BRIP1: variants seen among roughly 807,000 people sequenced by gnomAD.
BRIP1 encodes the protein Fanconi anemia group J protein.
BRIP1 carries 88 observed loss-of-function variants against 119.7 expected under a neutral mutation model. The ratio of observed to expected loss-of-function variants is 0.74; its 90% CI spans 0.62 to 0.88. The LOEUF is 0.88. Ranked by LOEUF, BRIP1 falls within the 40% of genes least tolerant of loss-of-function variation. BRIP1 has a pLI of 0.00. For synonymous variants in BRIP1, 443 were observed against 496.5 expected, an observed-to-expected ratio of 0.89 and a Z score of 1.43; for missense variants, 1,259 against 1,455.4, an observed-to-expected ratio of 0.87 and a Z score of 2.20.
rs1341703717 is a variant in BRIP1 at position 61,765,290 on chromosome 17, A to C, written c.2097+11111T>G. 2.1e-5 allele frequency among the ~76,000 whole-genome samples: 3 copies of C among 144,948 alleles called. No individual in the cohort carries two copies. In the East Asian group the frequency reaches 6.0e-4, roughly 29 times the overall value. On this transcript the variant is annotated intron_variant, in intron 14 of 19. Coordinates refer to ENST00000259008, the MANE Select transcript of BRIP1 (RefSeq NM_032043.3). ...TGCCTTTATTCTCCCTAGATTTTTC[A>C]CTTAAAAATTATAATACATATACAT... is the stretch of plus-strand genomic sequence containing the variant.
Position 61,743,336 on chromosome 17 carries a change from G to C in BRIP1, c.2258-202C>G, listed in dbSNP as rs2077012730. ...ACAAAATTACATTTATATGCAAAAGGGTAGCAAACCAATTTACAAACTCTG... is the reference window on the plus strand; with the variant it reads ...ACAAAATTACATTTATATGCAAAAGCGTAGCAAACCAATTTACAAACTCTG... On this transcript the variant is annotated intron_variant, in intron 15 of 19. Transcript: ENST00000259008. The surrounding 1 kb of genome is among the most constrained non-coding windows in gnomAD (Gnocchi z 4.3). Among the ~76,000 whole-genome samples, 1 of 151,900 alleles carries C rather than the reference G, an allele frequency of 6.6e-6. No homozygotes were observed. The highest frequency in any genetic ancestry group is 1.9e-4 in the East Asian group (1 of 5,194).
rs1368767680 is a variant in BRIP1 at position 61,794,945 on chromosome 17, G to A, written c.1341-1216C>T. On this transcript the variant is annotated intron_variant, in intron 9 of 19. Coordinates refer to ENST00000259008, the MANE Select transcript of BRIP1 (RefSeq NM_032043.3). The surrounding 1 kb of genome is among the most constrained non-coding windows in gnomAD (Gnocchi z 4.3). ...GGTGGTTAGCAAATTTTGCTTGTTT[G>A]AGGATCTGAAAGAAAGCCAATATGA... 6.6e-6 allele frequency among the ~76,000 whole-genome samples: 1 copy of A among 151,826 alleles called. No homozygotes were observed. Among genetic ancestry groups the A allele is most frequent in the East Asian group, 1.9e-4 (1 of 5,176 alleles).
At chr17:61,849,299 G>T (rs775810210) in intron 4 of BRIP1, 43 bp from the exon 5 acceptor site, 17 of 1,559,536 alleles carry the variant, frequency 1.1e-5, no homozygotes, top group Non-Finnish European at 1.5e-5. Context: ...ATAACTTACA[G>T]GTAGGCAATT....
Position 61,798,273 on chromosome 17 carries a change from T to C in BRIP1, c.1340+827A>G, listed in dbSNP as rs891791295. 5.3e-5 allele frequency among the ~76,000 whole-genome samples: 8 copies of C among 151,842 alleles called. No individual in the cohort carries two copies. The highest frequency in any genetic ancestry group is 1.0e-4 in the Non-Finnish European group (7 of 67,860). ...AAAGGTCTCCAAAATACACTGGGAA[T>C]TGAAAAAAGCAAGTTGCAGAAAAAT... On this transcript the variant is annotated intron_variant, in intron 9 of 19. Transcript: ENST00000259008. The surrounding 1 kb of genome is among the most constrained non-coding windows in gnomAD (Gnocchi z 5.5).
rs187444012 is a variant in BRIP1 at position 61,725,792 on chromosome 17, A to T, written c.2380-9729T>A. On this transcript the variant is annotated intron_variant, in intron 16 of 19. Transcript: ENST00000259008. This position sits in a 1 kb window ranked among gnomAD's most constrained non-coding sequence, Gnocchi z 5.3. ...TACGTGCCCCAACACCAGGCTAATTAAAAAAAAAAATTATTTTAGAGACGC... is the reference window on the plus strand; with the variant it reads ...TACGTGCCCCAACACCAGGCTAATTTAAAAAAAAAATTATTTTAGAGACGC... 1.1e-4 allele frequency among the ~76,000 whole-genome samples: 14 copies of T among 129,244 alleles called. No homozygotes were observed. Among genetic ancestry groups the T allele is most frequent in the South Asian group, 7.8e-4 (2 of 2,548 alleles). 84.8% of individuals were successfully genotyped at this position (129,244 alleles called of 152,430 possible).
At chr17:61,715,122 C>T (rs986737406) in intron 17 of BRIP1, among the ~76,000 whole-genome samples, 15 of 150,690 alleles carry the variant, frequency 1.0e-4, no homozygotes, top group East Asian at 4.0e-4. Context: ...ATTGCTTGAA[C>T]CTGGGCGGTG....
chr17:61,689,860 A>G lies in BRIP1; in HGVS notation c.2575+3570T>C, dbSNP rs2061422641. Among the ~76,000 whole-genome samples, 2 of 152,104 alleles carry G rather than the reference A, an allele frequency of 1.3e-5. No homozygotes were observed. Among genetic ancestry groups the G allele is most frequent in the African/African-American group, 4.8e-5 (2 of 41,422 alleles). ...ACCCCATCTCTACAAAAAAAATTAA[A>G]AATTAGCCAGGTCTGGTGGTGCATG... is the stretch of plus-strand genomic sequence containing the variant. On this transcript the variant is annotated intron_variant, in intron 18 of 19. Coordinates refer to ENST00000259008, the MANE Select transcript of BRIP1 (RefSeq NM_032043.3). This position sits in a 1 kb window ranked among gnomAD's most constrained non-coding sequence, Gnocchi z 4.5.
In BRIP1 at chr17:61,742,580, G is replaced by T. The variant is rs966296540; in HGVS notation, c.2379+433C>A. Among the ~76,000 whole-genome samples, 3 of 152,126 alleles carry T rather than the reference G, an allele frequency of 2.0e-5. No homozygotes were observed. The highest frequency in any genetic ancestry group is 4.4e-5 in the Non-Finnish European group (3 of 68,034). ...TATTAACTGGCCTAATTTCAGTATT[G>T]TTGTGTCTCAGGGAATGGAGAGTCC... On this transcript the variant is annotated intron_variant, in intron 16 of 19. Transcript: ENST00000259008. The surrounding 1 kb of genome is among the most constrained non-coding windows in gnomAD (Gnocchi z 4.7).
rs10661242 is a variant in BRIP1 at position 61,782,388 on chromosome 17, G to GA, written c.1629-1384dup. ...GTGACAGAGCGAGACTCCCGTCTCA[G>GA]AAAAAAAAAAAAAAAAAGGAAAAGA... On this transcript the variant is annotated intron_variant, in intron 11 of 19. Transcript: ENST00000259008. Among the ~76,000 whole-genome samples, 720 of 113,036 alleles carry GA rather than the reference G, an allele frequency of 6.4e-3. 25 individuals are homozygous for GA. Among genetic ancestry groups the GA allele is most frequent in the African/African-American group, 0.021 (606 of 28,496 alleles). 74.2% of individuals were successfully genotyped at this position (113,036 alleles called of 152,430 possible).
At chr17:61,858,154 A>C (rs1230555852) in intron 3 of BRIP1, among the ~76,000 whole-genome samples, 4 of 152,176 alleles carry the variant, frequency 2.6e-5, no homozygotes, top group African/African-American at 4.8e-5. Context: ...CATTGTATAC[A>C]AATGTACAAT....
Position 61,762,487 on chromosome 17 carries a change from T to C in BRIP1, c.2097+13914A>G, listed in dbSNP as rs376317991. On this transcript the variant is annotated intron_variant, in intron 14 of 19. Transcript: ENST00000259008. This position sits in a 1 kb window ranked among gnomAD's most constrained non-coding sequence, Gnocchi z 4.3. ...ACAAGCTATATATCCAATAAGGAGTTAATGTCCAAAATATATAAGAAACTC... is the reference window on the plus strand; with the variant it reads ...ACAAGCTATATATCCAATAAGGAGTCAATGTCCAAAATATATAAGAAACTC... Among the ~76,000 whole-genome samples, 4 of 152,234 alleles carry C rather than the reference T, an allele frequency of 2.6e-5. No individual in the cohort carries two copies. The highest frequency in any genetic ancestry group is 9.6e-5 in the African/African-American group (4 of 41,544).
rs946215687 is a variant in BRIP1, at chr17:61,841,219, C to A, written c.627+5882G>T. 6.6e-6 allele frequency among the ~76,000 whole-genome samples: 1 copy of A among 152,054 alleles called. No individual in the cohort carries two copies. The highest frequency in any genetic ancestry group is 6.6e-5 in the Admixed American group (1 of 15,262). On this transcript the variant is annotated intron_variant, in intron 6 of 19. Coordinates refer to ENST00000259008, the MANE Select transcript of BRIP1 (RefSeq NM_032043.3). The surrounding 1 kb of genome is among the most constrained non-coding windows in gnomAD (Gnocchi z 4.1). ...CAAAAACAAAAATAGACAAATAGGA[C>A]AGTATCAAACTAAAAAGCTTCTGCA...
rs750675154 is a variant in BRIP1 at position 61,857,016 on chromosome 17, C to A, written c.379+42G>T. 6.4e-7 allele frequency: 1 copy of A among 1,559,984 alleles called. No homozygotes were observed. The highest frequency in any genetic ancestry group is 1.1e-5 in the South Asian group (1 of 89,926). On this transcript the variant is annotated intron_variant, in intron 4 of 19. Coordinates refer to ENST00000259008, the MANE Select transcript of BRIP1 (RefSeq NM_032043.3). This position sits in a 1 kb window ranked among gnomAD's most constrained non-coding sequence, Gnocchi z 5.1. ...GCTTATAACAGTAATAATTAAGACT[C>A]TTATTACAGATATCAACTGACCCAG... is the stretch of plus-strand genomic sequence containing the variant.
intron 6 of BRIP1, among the ~76,000 whole-genome samples, chr17:61,817,501 T>C (rs1436817505): frequency 6.6e-6 from 1 of 152,224 alleles, no homozygotes; most frequent in African/African-American, 2.4e-5. Context: ...ACATAGAGAT[T>C]TGTGCTTCTA....
intron 17 of BRIP1, among the ~76,000 whole-genome samples, chr17:61,694,279 A>G (rs1486934288): frequency 6.6e-6 from 1 of 152,046 alleles, no homozygotes; most frequent in Non-Finnish European, 1.5e-5. Flanking sequence ...TCTGGCAACC[A>G]CTAATCTTTC....
chr17:61,685,999 T>C lies in BRIP1; in HGVS notation c.2742A>G (p.Leu914=), dbSNP rs876659985. Residue 914 remains leucine (L), a synonymous_variant, in exon 19 of 20, where the codon TTA becomes TTG. Transcript: ENST00000259008. ...DNESTLEVTS[L]KYSTSPYLLE... is the part of the protein sequence containing the mutation. ...GTAAATAAGGTGAGGTACTGTACTT[T>C]AAAGAGGTCACTTCAAGTGTAGACT... The C allele has an allele frequency of 6.2e-7, 1 of 1,614,044 alleles. No homozygotes were observed. The highest frequency in any genetic ancestry group is 8.5e-7 in the Non-Finnish European group (1 of 1,179,936).
Position 61,760,194 on chromosome 17 carries a change from A to C in BRIP1, c.2098-15603T>G, listed in dbSNP as rs1205014538. Among the ~76,000 whole-genome samples, 1 of 151,948 alleles carries C rather than the reference A, an allele frequency of 6.6e-6. No individual in the cohort carries two copies. Among genetic ancestry groups the C allele is most frequent in the Non-Finnish European group, 1.5e-5 (1 of 67,900 alleles). On this transcript the variant is annotated intron_variant, in intron 14 of 19. Coordinates refer to ENST00000259008, the MANE Select transcript of BRIP1 (RefSeq NM_032043.3). This position sits in a 1 kb window ranked among gnomAD's most constrained non-coding sequence, Gnocchi z 4.6. ...ACAACATGTTCCTGAACAACCAAAC[A>C]ACCAAGGGGGCAATGAAGAAATTAA...
chr17:61,779,449 G>A (rs7219791), intron 13 of BRIP1, among the ~76,000 whole-genome samples: 150,262 of 152,196 alleles, frequency 0.99, 74,206 homozygotes, highest in East Asian at 1. Context: ...GCAAAACCCC[G>A]TCTCTACTAA....
Position 61,852,104 on chromosome 17 carries a change from T to C in BRIP1, c.380-2848A>G, listed in dbSNP as rs993781885. On this transcript the variant is annotated intron_variant, in intron 4 of 19. Coordinates refer to ENST00000259008, the MANE Select transcript of BRIP1 (RefSeq NM_032043.3). This position sits in a 1 kb window ranked among gnomAD's most constrained non-coding sequence, Gnocchi z 4.9. ...TACGGGGCAAACTGACATGGGCCTATTAAGAGGGTAGGGAATGTCCACCCA... is the reference window on the plus strand; with the variant it reads ...TACGGGGCAAACTGACATGGGCCTACTAAGAGGGTAGGGAATGTCCACCCA... 1.3e-5 allele frequency among the ~76,000 whole-genome samples: 2 copies of C among 152,164 alleles called. No homozygotes were observed. Among genetic ancestry groups the C allele is most frequent in the African/African-American group, 4.8e-5 (2 of 41,434 alleles).
Sources: gnomAD v4.1 joint callset for allele counts (sites outside exome capture counted in the v4.1 genomes callset) on GRCh38, gnomAD v4.1.1 for gene constraint, Gnocchi (gnomAD v3.1) non-coding constraint, MANE v1.5 for transcripts, NCBI Gene and HGNC (gene_info 2026-07-23, HGNC 2026-07-21) for gene names.